Variants in ASTN1 observed in about 807,000 individuals in gnomAD.
ASTN1 encodes astrotactin-1.
A neutral mutation model predicts 140.7 loss-of-function variants in ASTN1; 41 were observed. The observed-to-expected ratio is 0.29, with a 90% CI of 0.23 to 0.38. The LOEUF (loss-of-function observed/expected upper bound fraction) is 0.38. Ranked by LOEUF, ASTN1 falls within the 10% of genes least tolerant of loss-of-function variation. The pLI is 1.00. For synonymous variants in ASTN1, 640 were observed against 652.2 expected (o/e 0.98, Z 0.29); for missense variants, 1,479 against 1,678.8 (o/e 0.88, Z 2.08).
At chr1:177,084,087 C>T (rs1320074019) in intron 1 of ASTN1, among the ~76,000 whole-genome samples, 1 of 152,120 alleles carries the variant, frequency 6.6e-6, no homozygotes, top group Non-Finnish European at 1.5e-5. Flanking sequence ...AATACATGAC[C>T]ACCTCCCTTT....
Position 176,935,560 on chromosome 1 carries a change from A to G in ASTN1, c.2482+706T>C, listed in dbSNP as rs187096456. On this transcript the variant is annotated intron_variant, in intron 15 of 22. Coordinates refer to ENST00000361833, the MANE Select transcript of ASTN1 (RefSeq NM_004319.3). ...TCCTCAATGCATTATCTTTATGCACAAAACTTTACCCTTTGTGAGTTTCTG... is the reference window on the plus strand; with the variant it reads ...TCCTCAATGCATTATCTTTATGCACGAAACTTTACCCTTTGTGAGTTTCTG... Among the ~76,000 whole-genome samples the G allele has an allele frequency of 1.1e-4, 17 of 152,318 alleles. No individual in the cohort carries two copies. In the East Asian group the frequency reaches 3.3e-3, roughly 29 times the overall value.
At chr1:177,064,219 C>T (rs1678235601) in intron 1 of ASTN1, among the ~76,000 whole-genome samples, 1 of 152,170 alleles carries the variant, frequency 6.6e-6, no homozygotes, top group Non-Finnish European at 1.5e-5. Context: ...ACTTGAGTAG[C>T]TAAATCCATG....
At chr1:176,865,606 A>C (rs186494666) in intron 22 of ASTN1, among the ~76,000 whole-genome samples, 5 of 152,190 alleles carry the variant, frequency 3.3e-5, no homozygotes, top group Non-Finnish European at 5.9e-5. Context: ...CTCAATGAAG[A>C]CTACTGACTT....
intron 8 of ASTN1, among the ~76,000 whole-genome samples, chr1:176,974,638 G>T (rs1055605170): frequency 2.6e-5 from 4 of 152,108 alleles, no homozygotes; most frequent in African/African-American, 9.7e-5. Flanking sequence ...GCCTGCCTTG[G>T]CCTCCCAAAG....
chr1:176,861,650 C>A lies in ASTN1; in HGVS notation c.*2634G>T, dbSNP rs1667965865. 1.0e-6 allele frequency: 1 copy of A among 985,328 alleles called. No homozygotes were observed. Among genetic ancestry groups the A allele is most frequent in the Non-Finnish European group, 1.2e-6 (1 of 829,934 alleles). 61.0% of individuals were successfully genotyped at this position (985,328 alleles called of 1,614,324 possible). A position where few individuals can be genotyped will look rare whatever the true frequency, so the allele number is the denominator to read the frequency against. On this transcript the variant is annotated 3_prime_UTR_variant, in exon 23 of 23. Transcript: ENST00000361833. The stretch of plus-strand genomic sequence containing the variant: ...TTTTTAACTTGAATGTAAGTAGGAG[C>A]CAGTCATAGGAGTTGTGTGCATTGT...
intron 16 of ASTN1, among the ~76,000 whole-genome samples, chr1:176,912,844 G>A (rs1378622630): frequency 6.6e-6 from 1 of 152,142 alleles, no homozygotes; most frequent in South Asian, 2.1e-4. Flanking sequence ...TTAGATCTCT[G>A]CGATTACTAC....
At chr1:176,914,475 CTG>C (rs1670395525) in intron 16 of ASTN1, among the ~76,000 whole-genome samples, 1 of 152,196 alleles carries the variant, frequency 6.6e-6, no homozygotes, top group African/African-American at 2.4e-5. Context: ...AAGCTTAACT[CTG>C]TGTTATGGAG....
At chr1:176,918,834 C>A (rs778882142) in intron 16 of ASTN1, among the ~76,000 whole-genome samples, 2 of 152,166 alleles carry the variant, frequency 1.3e-5, no homozygotes, top group Non-Finnish European at 2.9e-5. Flanking sequence ...TGTGGCCCTG[C>A]ATGGCCAATC....
chr1:176,987,421 C>T (rs1430985335), intron 8 of ASTN1, among the ~76,000 whole-genome samples: 2 of 152,182 alleles, frequency 1.3e-5, no homozygotes, highest in Non-Finnish European at 2.9e-5. Context: ...CTAATGCCTC[C>T]TGTGCTTTCC....
At chr1:176,860,389 T>G (rs533318222), downstream of ASTN1, among the ~76,000 whole-genome samples, 9 of 152,216 alleles carry the variant, frequency 5.9e-5, no homozygotes, top group Non-Finnish European at 1.2e-4. Flanking sequence ...AGAGGACCTA[T>G]TAAGTCCAGG....
At chr1:177,006,830 C>T (rs1325089475) in intron 8 of ASTN1, among the ~76,000 whole-genome samples, 1 of 152,112 alleles carries the variant, frequency 6.6e-6, no homozygotes, top group East Asian at 1.9e-4. Context: ...CTCTCATCAC[C>T]ACGGGGAGGA....
rs1294589413 is a variant in ASTN1, at chr1:176,884,483, G to A, written c.3082C>T (p.Leu1028Phe). The change falls in exon 19 of 23, where the codon CTC (leucine) becomes TTC (phenylalanine). Residue 1028 changes from leucine to phenylalanine, a missense_variant. By Grantham distance (22) the Leu-to-Phe change is conservative (BLOSUM62 0). This residue lies in a region of ASTN1 where 746 missense variants were observed against 800.9 expected (regional missense o/e 0.93). Coordinates refer to ENST00000361833, the MANE Select transcript of ASTN1 (RefSeq NM_004319.3). ...CAPLPQPVLR[L>F]STVHEPSSTL... ...CTGCTGGGCTCGTGAACCGTGGAGA[G>A]TCTCAGCCTGTGTGCAGACAGGAAG... 5.6e-6 allele frequency: 9 copies of A among 1,609,510 alleles called. No individual in the cohort carries two copies. Among genetic ancestry groups the A allele is most frequent in the African/African-American group, 1.3e-5 (1 of 74,862 alleles).
rs147465520 is a variant in ASTN1, at chr1:177,105,692, T to G, written c.284-44427A>C. Reference sequence around the variant, plus strand: ...ATGCAGAAAATAGAACTTGGTTAAATGATAATAATTATTGCTGCACTGATT... The same window carrying G: ...ATGCAGAAAATAGAACTTGGTTAAAGGATAATAATTATTGCTGCACTGATT... On this transcript the variant is annotated intron_variant, in intron 1 of 22. Transcript: ENST00000361833. 4.6e-4 allele frequency among the ~76,000 whole-genome samples: 70 copies of G among 151,990 alleles called. 1 individual carries two copies. The East Asian group carries it at 0.013, about 28-fold the overall frequency.
intron 14 of ASTN1, among the ~76,000 whole-genome samples, chr1:176,938,312 A>G (rs1172439419): frequency 6.6e-6 from 1 of 152,242 alleles, no homozygotes; most frequent in East Asian, 1.9e-4. Flanking sequence ...GAACTATTTA[A>G]TAACAAGTAT....
intron 14 of ASTN1, among the ~76,000 whole-genome samples, chr1:176,942,645 T>C (rs1248135669): frequency 1.3e-5 from 2 of 151,286 alleles, no homozygotes. Flanking sequence ...CTCACTGAGA[T>C]AATTGCATAT....
chr1:177,090,198 G>A (rs946696392), intron 1 of ASTN1, among the ~76,000 whole-genome samples: 10 of 151,080 alleles, frequency 6.6e-5, no homozygotes, highest in Non-Finnish European at 1.3e-4. Flanking sequence ...TGGAATGAGG[G>A]ATCTCACAGA....
chr1:176,877,442 C>A (rs894582423), intron 20 of ASTN1, among the ~76,000 whole-genome samples: 1 of 152,204 alleles, frequency 6.6e-6, no homozygotes, highest in South Asian at 2.1e-4. Flanking sequence ...ATACTGCCCA[C>A]TGTGGACCAG....
intron 8 of ASTN1, among the ~76,000 whole-genome samples, chr1:176,991,146 G>A (rs1674138646): frequency 6.6e-6 from 1 of 152,114 alleles, no homozygotes; most frequent in African/African-American, 2.4e-5. Context: ...AGTGGCTCAT[G>A]CCTGTAATCC....
chr1:177,069,492 T>C (rs990142842), intron 1 of ASTN1, among the ~76,000 whole-genome samples: 1 of 151,924 alleles, frequency 6.6e-6, no homozygotes, highest in African/African-American at 2.4e-5. Context: ...CTGGGGGCAG[T>C]TGGGGGTGGG....
Sources: allele counts gnomAD v4.1 joint callset (sites outside exome capture counted in the v4.1 genomes callset), GRCh38; gene constraint gnomAD v4.1.1; regional missense constraint gnomAD v4.1.1; transcripts MANE v1.5; gene names NCBI Gene and HGNC (gene_info 2026-07-23, HGNC 2026-07-21).